KIF20A: variants seen among roughly 807,000 people sequenced by gnomAD.
The protein encoded by KIF20A is kinesin family member 20A, also known as kinesin-like protein KIF20A.
A neutral mutation model predicts 113.0 loss-of-function variants in KIF20A; 66 were observed. The observed-to-expected ratio is 0.58, with a 90% CI of 0.48 to 0.72. The LOEUF (loss-of-function observed/expected upper bound fraction) is 0.72. Ranked by LOEUF, KIF20A falls within the 30% of genes least tolerant of loss-of-function variation. KIF20A has a pLI of 0.00. For missense variants in KIF20A, 927 were observed against 1,077.6 expected (o/e 0.86, Z 1.96); for synonymous variants, 376 against 402.3 (o/e 0.93, Z 0.78).
chr5:138,186,872 A>C (rs558005431), intron 18 of KIF20A, among the ~76,000 whole-genome samples: 1 of 152,220 alleles, frequency 6.6e-6, no homozygotes, highest in Non-Finnish European at 1.5e-5. Context: ...ACTCAAGCTC[A>C]TACTACCTTA....
Position 138,185,612 on chromosome 5 carries a change from G to A in KIF20A, c.2027G>A (p.Arg676Gln), listed in dbSNP as rs777779569. ...TCAGGGTCTGAATTGGCCCTACGGC[G>A]GTCACAAAGGTTGGCAGCTTCTGCC... ...QQSGSELALR[R>Q]SQRLAASAST... is the part of the protein sequence containing the mutation. The change falls in exon 16 of 19, where the codon CGG becomes CAG. Residue 676 changes from arginine (R) to glutamine (Q), a missense_variant. Transcript: ENST00000394894. The A allele has an allele frequency of 4.3e-5, 69 of 1,614,054 alleles. No individual in the cohort carries two copies. Among genetic ancestry groups the A allele is most frequent in the Middle Eastern group, 1.7e-4 (1 of 6,058 alleles).
chr5:138,179,923 T>A, intron 2 of KIF20A, 78 bp downstream of exon 2: 1 of 1,426,082 alleles, frequency 7.0e-7, no homozygotes, highest in Non-Finnish European at 9.6e-7. Flanking sequence ...TAGTATGAGG[T>A]CAAAGACTAG....
chr5:138,185,881 T>G (rs992763190), intron 16 of KIF20A, 80 bp from the exon 17 acceptor site: 2 of 1,360,726 alleles, frequency 1.5e-6, no homozygotes, highest in African/African-American at 2.9e-5. Context: ...TGCTGCAAGC[T>G]ACTGTTACCT....
rs1754679581 is a variant in KIF20A at position 138,182,645 on chromosome 5, C to A, written c.574C>A (p.Gln192Lys). Residue 192 changes from glutamine to lysine, a missense_variant, in exon 6 of 19, where the codon CAA becomes AAA. Coordinates refer to ENST00000394894, the MANE Select transcript of KIF20A (RefSeq NM_005733.3). The part of the protein sequence containing the change: ...RSLALIFNSL[Q>K]GQLHPTPDLK... ...CCTGGCGCTGATCTTCAATAGCCTCCAAGGCCAACTTCATCCAACACCTGA... is the reference window on the plus strand; with the variant it reads ...CCTGGCGCTGATCTTCAATAGCCTCAAAGGCCAACTTCATCCAACACCTGA... 7 of 1,614,166 alleles carry A rather than the reference C, an allele frequency of 4.3e-6. No homozygotes were observed. Among genetic ancestry groups the A allele is most frequent in the Non-Finnish European group, 5.9e-6 (7 of 1,180,040 alleles).
chr5:138,187,491 G>A lies in KIF20A; in HGVS notation c.*78G>A, dbSNP rs1754766254. On this transcript the variant is annotated 3_prime_UTR_variant, in exon 19 of 19. Coordinates refer to ENST00000394894, the MANE Select transcript of KIF20A (RefSeq NM_005733.3). ...TCCTGAAGAAATAGGTCTCTTTTATGCTTTACCATATATCAGGAATTATAT... is the reference window on the plus strand; with the variant it reads ...TCCTGAAGAAATAGGTCTCTTTTATACTTTACCATATATCAGGAATTATAT... The A allele has an allele frequency of 9.4e-6, 11 of 1,169,926 alleles. No individual in the cohort carries two copies. Among genetic ancestry groups the A allele is most frequent in the Non-Finnish European group, 1.3e-5 (11 of 830,030 alleles). 72.5% of individuals were successfully genotyped at this position (1,169,926 alleles called of 1,614,324 possible).
At position 138,181,441 on chromosome 5, in the gene KIF20A, T is replaced by A; in HGVS notation, c.185T>A (p.Met62Lys). The change falls in exon 3 of 19, where the codon ATG (methionine) becomes AAG (lysine). Residue 62 changes from methionine (M) to lysine (K), a missense_variant. Physicochemically the swap from Met to Lys is moderately conservative, Grantham distance 95. Coordinates refer to ENST00000394894, the MANE Select transcript of KIF20A (RefSeq NM_005733.3). Reference sequence around the variant, plus strand: ...CCACAGGTTCCATCTGAGGACAGTATGGAGAAGGTGAAAGTATACTTGAGG... The same window carrying A: ...CCACAGGTTCCATCTGAGGACAGTAAGGAGAAGGTGAAAGTATACTTGAGG... The part of the protein sequence containing the change: ...DKQQVPSEDS[M>K]EKVKVYLRVR... 6.2e-7 allele frequency: 1 copy of A among 1,614,170 alleles called. No homozygotes were observed.
In KIF20A at chr5:138,184,913, T is replaced by G. The variant is rs754728602; in HGVS notation, c.1790T>G (p.Val597Gly). 4 of 1,614,100 alleles carry G rather than the reference T, an allele frequency of 2.5e-6. No homozygotes were observed. The highest frequency in any genetic ancestry group is 3.4e-6 in the Non-Finnish European group (4 of 1,180,002). The part of the protein sequence containing the change: ...HLRDEICNEM[V>G]EQMQQREQWC... ...CGAGATGAAATTTGCAATGAGATGG[T>G]AGAACAGATGCAACAGCGGGAACAG... Residue 597 changes from valine to glycine, a missense_variant, in exon 14 of 19, where the codon GTA becomes GGA. Val to Gly is a moderately radical substitution (Grantham distance 109, BLOSUM62 -3). Transcript: ENST00000394894.
chr5:138,181,797 G>GAAT, intron 4 of KIF20A, 69 bp downstream of exon 4: 1 of 1,579,896 alleles, frequency 6.3e-7, no homozygotes, highest in Non-Finnish European at 8.6e-7. Flanking sequence ...TCTTTAGAGG[G>GAAT]AAAGCTTCTC....
intron 2 of KIF20A, among the ~76,000 whole-genome samples, chr5:138,180,768 C>T (rs1272067219): frequency 6.6e-6 from 1 of 152,168 alleles, no homozygotes; most frequent in Admixed American, 6.5e-5. Context: ...CTCCGCCTCC[C>T]GGGTTCAAGC....
chr5:138,181,729 G>T lies in KIF20A; in HGVS notation c.375+1G>T. ...CACACACAGGTTCACCTTTTCCCAGGTATGGAGGGTACTGGTTTGTGAACA... is the reference window on the plus strand; with the variant it reads ...CACACACAGGTTCACCTTTTCCCAGTTATGGAGGGTACTGGTTTGTGAACA... On this transcript the variant is annotated splice_donor_variant, in intron 4 of 18. Coordinates refer to ENST00000394894, the MANE Select transcript of KIF20A (RefSeq NM_005733.3). LOFTEE classifies it high-confidence loss of function. The T allele has an allele frequency of 6.2e-7, 1 of 1,613,540 alleles. No individual in the cohort carries two copies. The highest frequency in any genetic ancestry group is 8.5e-7 in the Non-Finnish European group (1 of 1,180,022).
rs768034128 is a variant in KIF20A at position 138,186,341 on chromosome 5, C to T, written c.2265C>T (p.Leu755=). 1 of 1,602,648 alleles carries T rather than the reference C, an allele frequency of 6.2e-7. No homozygotes were observed. The highest frequency in any genetic ancestry group is 1.1e-5 in the South Asian group (1 of 89,286). Residue 755 remains leucine (L), a synonymous_variant, in exon 18 of 19, where the codon CTC becomes CTT. Transcript: ENST00000394894. ...AGCTTCAGAAACTTGGTGAGTCTCTCCAATCAGCAGAGAGAGCTTGTTGCC... is the reference window on the plus strand; with the variant it reads ...AGCTTCAGAAACTTGGTGAGTCTCTTCAATCAGCAGAGAGAGCTTGTTGCC... ...RTELQKLGES[L]QSAERACCHS...
At position 138,182,653 on chromosome 5, in the gene KIF20A, A is replaced by G. The variant is rs767162752; in HGVS notation, c.582A>G (p.Gln194=). The G allele has an allele frequency of 1.2e-6, 2 of 1,614,174 alleles. No individual in the cohort carries two copies. Among genetic ancestry groups the G allele is most frequent in the Non-Finnish European group, 1.7e-6 (2 of 1,180,042 alleles). The part of the protein sequence containing the change: ...LALIFNSLQG[Q]LHPTPDLKPL... ...TGATCTTCAATAGCCTCCAAGGCCA[A>G]CTTCATCCAACACCTGATCTGAAGC... Residue 194 remains glutamine, a synonymous_variant, in exon 6 of 19, where the codon CAA becomes CAG. Coordinates refer to ENST00000394894, the MANE Select transcript of KIF20A (RefSeq NM_005733.3).
At chr5:138,179,904 C>A in intron 2 of KIF20A, 59 bp downstream of exon 2, 1 of 1,557,830 alleles carries the variant, frequency 6.4e-7, no homozygotes, top group Non-Finnish European at 8.8e-7. Context: ...AATAATTGTC[C>A]ATACAGGGTA....
Position 138,184,908 on chromosome 5 carries a change from G to C in KIF20A, c.1785G>C (p.Glu595Asp). Reference sequence around the variant, plus strand: ...ATCTCCGAGATGAAATTTGCAATGAGATGGTAGAACAGATGCAACAGCGGG... The same window carrying C: ...ATCTCCGAGATGAAATTTGCAATGACATGGTAGAACAGATGCAACAGCGGG... ...EMHLRDEICN[E>D]MVEQMQQREQ... The change falls in exon 14 of 19, where the codon GAG (glutamate) becomes GAC (aspartate). Residue 595 changes from glutamate (E) to aspartate (D), a missense_variant. Physicochemically the swap from Glu to Asp is conservative, Grantham distance 45. Transcript: ENST00000394894. 6.2e-7 allele frequency: 1 copy of C among 1,614,168 alleles called. No individual in the cohort carries two copies. The highest frequency in any genetic ancestry group is 8.5e-7 in the Non-Finnish European group (1 of 1,180,010).
rs754553864 is a variant in KIF20A at position 138,186,413 on chromosome 5, T to C, written c.2337T>C (p.Asp779=). 6.2e-7 allele frequency: 1 copy of C among 1,613,172 alleles called. No individual in the cohort carries two copies. The highest frequency in any genetic ancestry group is 1.1e-5 in the South Asian group (1 of 90,946). ...TTCGTCAAGCCTTGACCACTTGTGA[T>C]GACATCTTAATCAAACAGGTTAGGG... ...GKLRQALTTC[D]DILIKQDQTL... is the part of the protein sequence containing the mutation. Residue 779 remains aspartate, a synonymous_variant, in exon 18 of 19, where the codon GAT becomes GAC. Coordinates refer to ENST00000394894, the MANE Select transcript of KIF20A (RefSeq NM_005733.3).
At chr5:138,180,513 A>C (rs1473446269) in intron 2 of KIF20A, among the ~76,000 whole-genome samples, 1 of 152,190 alleles carries the variant, frequency 6.6e-6, no homozygotes, top group Non-Finnish European at 1.5e-5. Flanking sequence ...GCTAAACATT[A>C]ACATACATTG....
At position 138,184,888 on chromosome 5, in the gene KIF20A, C is replaced by T. The variant is rs766253266; in HGVS notation, c.1765C>T (p.Arg589Ter). 7 of 1,613,938 alleles carry T rather than the reference C, an allele frequency of 4.3e-6. No individual in the cohort carries two copies. The highest frequency in any genetic ancestry group is 4.5e-5 in the East Asian group (2 of 44,888). ...QEKLQLEMHL[R>*]DEICNEMVEQ... is the part of the protein sequence containing the mutation. ...AAAGCTACAGCTGGAGATGCATCTC[C>T]GAGATGAAATTTGCAATGAGATGGT... Residue 589 changes from arginine to a stop codon, truncating the protein, a stop_gained, in exon 14 of 19, where the codon CGA (arginine) becomes TGA (stop). Transcript: ENST00000394894. LOFTEE classifies it high-confidence loss of function.
Position 138,187,391 on chromosome 5 carries a change from G to T in KIF20A, c.2651G>T (p.Gly884Val). The T allele has an allele frequency of 6.2e-7, 1 of 1,613,294 alleles. No homozygotes were observed. Among genetic ancestry groups the T allele is most frequent in the Non-Finnish European group, 8.5e-7 (1 of 1,179,494 alleles). ...CGGCGTTCCCCTTTACTCAAATCTGGGCCTTTTGGCAAAAAGTACTAAGGC... is the reference window on the plus strand; with the variant it reads ...CGGCGTTCCCCTTTACTCAAATCTGTGCCTTTTGGCAAAAAGTACTAAGGC... ...RSRRSPLLKS[G>V]PFGKKY Residue 884 changes from glycine (G) to valine (V), a missense_variant, in exon 19 of 19, where the codon GGG becomes GTG. By Grantham distance (109) the Gly-to-Val change is moderately radical (BLOSUM62 -3). Coordinates refer to ENST00000394894, the MANE Select transcript of KIF20A (RefSeq NM_005733.3).
chr5:138,186,103 C>A, intron 17 of KIF20A, 51 bp downstream of exon 17: 1 of 1,537,242 alleles, frequency 6.5e-7, no homozygotes, highest in Non-Finnish European at 9.0e-7. Flanking sequence ...GGCAATTTCC[C>A]ACATCCAACA....
Sources: allele counts gnomAD v4.1 joint callset (sites outside exome capture counted in the v4.1 genomes callset), GRCh38; gene constraint gnomAD v4.1.1; transcripts MANE v1.5; gene names NCBI Gene and HGNC (gene_info 2026-07-23, HGNC 2026-07-21).